The following SRR variants were observed in gnomAD, a reference collection of about 807,000 sequenced individuals.
SRR encodes the protein serine racemase, also known as D-serine ammonia-lyase.
Under a neutral mutation model 32.7 loss-of-function variants are expected in SRR, and 19 were observed. The observed-to-expected ratio is 0.58, with a 90% CI of 0.40 to 0.85. SRR has a LOEUF of 0.85. Among genes scored for constraint, SRR ranks in the 40% least tolerant of loss-of-function variants. The pLI, the probability that SRR is intolerant of heterozygous loss-of-function variation, is 0.00. For missense variants in SRR, 373 were observed against 404.7 expected (o/e 0.92, Z 0.67); for synonymous variants, 142 against 140.9 (o/e 1.01, Z -0.06).
intron 1 of SRR, among the ~76,000 whole-genome samples, chr17:2,310,352 C>A (rs1351102096): frequency 6.6e-6 from 1 of 151,906 alleles, no homozygotes; most frequent in East Asian, 1.9e-4. Flanking sequence ...GTAGAATTAC[C>A]ACTACAGGCG....
intron 4 of SRR, among the ~76,000 whole-genome samples, chr17:2,320,533 T>C (rs1233195849): frequency 1.3e-5 from 2 of 151,556 alleles, no homozygotes; most frequent in East Asian, 2.0e-4. Context: ...GGATTACAAG[T>C]GTGAGCCACC....
chr17:2,317,694 A>C (rs766865291), intron 2 of SRR, among the ~76,000 whole-genome samples, 176 bp from the exon 3 acceptor site: 1 of 151,898 alleles, frequency 6.6e-6, no homozygotes, highest in Non-Finnish European at 1.5e-5. Flanking sequence ...GATAACGGAG[A>C]CTCCATCTCA....
chr17:2,324,421 T>G lies in SRR; in HGVS notation c.*548T>G. ...TCGGTCAAATTAAAAGTAGAAAATT[T>G]TAAAGCAATGACTTCCAACCCAACA... On this transcript the variant is annotated 3_prime_UTR_variant, in exon 8 of 8. Transcript: ENST00000344595. The G allele has an allele frequency of 6.2e-7, 1 of 1,602,990 alleles. No homozygotes were observed. Among genetic ancestry groups the G allele is most frequent in the South Asian group, 1.1e-5 (1 of 89,444 alleles).
In SRR at chr17:2,323,801, A is replaced by G. The variant is rs777661938; in HGVS notation, c.951A>G (p.Val317=). The G allele has an allele frequency of 1.4e-5, 22 of 1,614,234 alleles. No homozygotes were observed. The highest frequency in any genetic ancestry group is 1.9e-5 in the Non-Finnish European group (22 of 1,180,050). The stretch of plus-strand genomic sequence containing the variant: ...GTATTGTGCTCAGTGGTGGAAATGT[A>G]GACTTAACCTCCTCCATAACTTGGG... ...NICIVLSGGN[V]DLTSSITWVK... Residue 317 remains valine (V), a synonymous_variant, in exon 8 of 8, where the codon GTA becomes GTG. Coordinates refer to ENST00000344595, the MANE Select transcript of SRR (RefSeq NM_021947.3).
chr17:2,307,615 G>T (rs543251394), intron 1 of SRR: 181 of 957,956 alleles, frequency 1.9e-4, no homozygotes, highest in South Asian at 1.2e-4. Context: ...AGAAGCTCTG[G>T]CCCCTATGGT....
At chr17:2,323,459 A>G in intron 7 of SRR, 114 bp downstream of exon 7, 1 of 1,277,100 alleles carries the variant, frequency 7.8e-7, no homozygotes, top group Non-Finnish European at 1.1e-6. Flanking sequence ...TAACTTCATG[A>G]CATGGGAGGG....
chr17:2,315,525 G>A (rs1265315961), intron 1 of SRR, 32 bp from the exon 2 acceptor site: 13 of 1,597,636 alleles, frequency 8.1e-6, no homozygotes, highest in Non-Finnish European at 9.4e-6. Context: ...CTCAGACTTT[G>A]CTTTGACCCC....
chr17:2,303,491 G>A, upstream of SRR: 1 of 1,328,972 alleles, frequency 7.5e-7, no homozygotes, highest in Non-Finnish European at 9.6e-7. Flanking sequence ...GGGCAGCGAG[G>A]GTCCGCCGCG....
At chr17:2,310,753 G>A (rs561137648) in intron 1 of SRR, among the ~76,000 whole-genome samples, 1 of 149,888 alleles carries the variant, frequency 6.7e-6, no homozygotes, top group South Asian at 2.1e-4. Flanking sequence ...TAATTTTTTT[G>A]TTTGTTTGTT....
intron 1 of SRR, among the ~76,000 whole-genome samples, chr17:2,308,090 T>C (rs1330780279): frequency 6.6e-6 from 1 of 151,102 alleles, no homozygotes; most frequent in African/African-American, 2.4e-5. Context: ...TTTAAATAAT[T>C]CATGGGTCAA....
intron 6 of SRR, among the ~76,000 whole-genome samples, chr17:2,322,073 G>A (rs1005499960): frequency 3.9e-5 from 6 of 152,120 alleles, no homozygotes; most frequent in Non-Finnish European, 5.9e-5. Context: ...GAGCCACTGC[G>A]CCCGGCCTAT....
rs778629733 is a variant in SRR, at chr17:2,323,999, A to G, written c.*126A>G. On this transcript the variant is annotated 3_prime_UTR_variant, in exon 8 of 8. Transcript: ENST00000344595. ...AGTGGCTATTTCATTAAGATTTAAT[A>G]GTTTTTTTTGGACTAAGTAGTGGAA... is the stretch of plus-strand genomic sequence containing the variant. The G allele has an allele frequency of 5.2e-6, 6 of 1,158,704 alleles. No individual in the cohort carries two copies. Among genetic ancestry groups the G allele is most frequent in the African/African-American group, 1.6e-5 (1 of 64,160 alleles). The allele number at this position is 1,158,704 out of a possible 1,614,324, so 71.8% of individuals were successfully genotyped here.
rs763101686 is a variant in SRR, at chr17:2,323,758, C to T, written c.908C>T (p.Pro303Leu). Residue 303 changes from proline to leucine, a missense_variant, in exon 8 of 8, where the codon CCA (proline) becomes CTA (leucine). Transcript: ENST00000344595. ...TCTCAACATTTTCAAACTGTTTCCCCAGAAGTAAAGAACATTTGTATTGTG... is the reference window on the plus strand; with the variant it reads ...TCTCAACATTTTCAAACTGTTTCCCTAGAAGTAAAGAACATTTGTATTGTG... ...VLSQHFQTVS[P>L]EVKNICIVLS... The T allele has an allele frequency of 4.3e-6, 7 of 1,614,022 alleles. No homozygotes were observed. The African/African-American group carries it at 9.3e-5, about 22-fold the overall frequency.
At chr17:2,315,533 C>A in intron 1 of SRR, 24 bp from the exon 2 acceptor site, 1 of 1,598,078 alleles carries the variant, frequency 6.3e-7, no homozygotes, top group Non-Finnish European at 8.5e-7. Context: ...TTGCTTTGAC[C>A]CCTTTCTTAT....
upstream of SRR, chr17:2,303,810 C>T: frequency 1.8e-6 from 2 of 1,108,634 alleles, no homozygotes; most frequent in South Asian, 1.5e-5. Context: ...CGCGCTCGCC[C>T]ACCTCCCGGC....
chr17:2,307,632 G>C lies in SRR; in HGVS notation c.-5+3615G>C. 7 of 947,818 alleles carry C rather than the reference G, an allele frequency of 7.4e-6. No homozygotes were observed. The South Asian group carries it at 9.0e-5, about 12-fold the overall frequency. 58.7% of individuals were successfully genotyped at this position (947,818 alleles called of 1,614,324 possible). A position where few individuals can be genotyped will look rare whatever the true frequency, so the allele number is the denominator to read the frequency against. On this transcript the variant is annotated intron_variant, in intron 1 of 7. Transcript: ENST00000344595. Reference sequence around the variant, plus strand: ...AAGCTCTGGCCCCTATGGTGGTGCAGGCCAATACTTTACCAAACCACGAAA... The same window carrying C: ...AAGCTCTGGCCCCTATGGTGGTGCACGCCAATACTTTACCAAACCACGAAA...
chr17:2,319,602 T>G (rs774902674), intron 4 of SRR, among the ~76,000 whole-genome samples: 8 of 151,870 alleles, frequency 5.3e-5, no homozygotes, highest in Non-Finnish European at 1.0e-4. Flanking sequence ...CTGATAACCC[T>G]CTCATACCCC....
intron 1 of SRR, among the ~76,000 whole-genome samples, chr17:2,310,926 T>G (rs2075429186): frequency 6.6e-6 from 1 of 152,072 alleles, no homozygotes; most frequent in African/African-American, 2.4e-5. Flanking sequence ...TTTTGTATTT[T>G]TAGTAGAGAC....
intron 1 of SRR, among the ~76,000 whole-genome samples, chr17:2,313,426 C>CAA (rs753664185): frequency 8.4e-6 from 1 of 118,498 alleles, no homozygotes; most frequent in Non-Finnish European, 1.8e-5. Flanking sequence ...AAGACTCTCT[C>CAA]AAAAAAAAAA....
Sources: allele counts gnomAD v4.1 joint callset (sites outside exome capture counted in the v4.1 genomes callset), GRCh38; gene constraint gnomAD v4.1.1; transcripts MANE v1.5; gene names NCBI Gene and HGNC (gene_info 2026-07-23, HGNC 2026-07-21).